AHI1: variants seen among roughly 807,000 people sequenced by gnomAD.
AHI1 encodes the protein Abelson helper integration site 1.
In AHI1, 123 loss-of-function variants were observed where a neutral mutation model predicts 149.3. That is an observed-to-expected ratio of 0.82 (90% CI 0.71 to 0.96). AHI1 has a LOEUF of 0.96. Among genes scored for constraint, AHI1 ranks in the 40% least tolerant of loss-of-function variants. AHI1 has a pLI of 0.00. For missense variants in AHI1, 1,439 were observed against 1,422.7 expected, an observed-to-expected ratio of 1.01 and a Z score of -0.18; for synonymous variants, 475 against 459.8, an observed-to-expected ratio of 1.03 and a Z score of -0.42.
chr6:135,474,556 T>C (rs1792290689), intron 5 of AHI1: 1 of 152,106 alleles, frequency 6.6e-6, no homozygotes, highest in African/African-American at 2.4e-5. Context: ...AGGAGTTCAA[T>C]CTGTAACTGA....
intron 24 of AHI1, among the ~76,000 whole-genome samples, chr6:135,353,079 G>GA (rs1024774528): frequency 6.6e-6 from 1 of 151,752 alleles, no homozygotes; most frequent in Non-Finnish European, 1.5e-5. Context: ...ATGCTAATGG[G>GA]AAAAAAATCA....
At chr6:135,327,785 A>C (rs955004334) in intron 24 of AHI1, among the ~76,000 whole-genome samples, 1 of 152,114 alleles carries the variant, frequency 6.6e-6, no homozygotes, top group Non-Finnish European at 1.5e-5. Context: ...AGCTTCCACA[A>C]AAACCTAAGA....
chr6:135,368,285 GTTTTGTT>G (rs1774485588), intron 23 of AHI1, among the ~76,000 whole-genome samples: 1 of 152,138 alleles, frequency 6.6e-6, no homozygotes, highest in South Asian at 2.1e-4. Flanking sequence ...CTTGGTTGTA[GTTTTGTT>G]TAGTGTGCTG....
intron 23 of AHI1, among the ~76,000 whole-genome samples, chr6:135,381,711 C>T (rs1776789995): frequency 6.6e-6 from 1 of 152,214 alleles, no homozygotes; most frequent in Admixed American, 6.5e-5. Flanking sequence ...CGGACTTACT[C>T]TCCCCTCTGT....
intron 20 of AHI1, among the ~76,000 whole-genome samples, chr6:135,424,314 G>A (rs926394858): frequency 2.6e-5 from 4 of 151,768 alleles, no homozygotes; most frequent in Non-Finnish European, 5.9e-5. Flanking sequence ...ACAGAACCAG[G>A]AACAAACAAA....
rs189767646 is a variant in AHI1, at chr6:135,424,047, A to T, written c.2764+3120T>A. On this transcript the variant is annotated intron_variant, in intron 20 of 28. Coordinates refer to ENST00000265602, the MANE Select transcript of AHI1 (RefSeq NM_001134831.2). ...GCTTCTTACAACGTATAGAAAATAC[A>T]AGGAAACCACATACTCCACAGAGAA... Among the ~76,000 whole-genome samples the T allele has an allele frequency of 2.6e-5, 4 of 152,214 alleles. No homozygotes were observed. The East Asian group carries it at 7.7e-4, about 29-fold the overall frequency.
At chr6:135,343,583 C>T (rs887913433) in intron 24 of AHI1, among the ~76,000 whole-genome samples, 2 of 151,176 alleles carry the variant, frequency 1.3e-5, no homozygotes, top group Non-Finnish European at 3.0e-5. Context: ...AATATAAACT[C>T]TTACATTTTT....
At position 135,290,943 on chromosome 6, in the gene AHI1, A is replaced by C. The variant is rs1052473519; in HGVS notation, c.3486-418T>G. ...ACACACACACACACACACACACACA[A>C]AAGTATAGGACATTCATTCATGACA... On this transcript the variant is annotated intron_variant, in intron 27 of 28. Transcript: ENST00000265602. Among the ~76,000 whole-genome samples, 3 of 119,632 alleles carry C rather than the reference A, an allele frequency of 2.5e-5. No individual in the cohort carries two copies. In the East Asian group the frequency reaches 6.4e-4, roughly 25 times the overall value. The allele number at this position is 119,632 out of a possible 152,430, so 78.5% of individuals were successfully genotyped here. A position where few individuals can be genotyped will look rare whatever the true frequency, so the allele number is the denominator to read the frequency against.
chr6:135,400,575 A>G (rs1779886193), intron 22 of AHI1, among the ~76,000 whole-genome samples: 1 of 152,230 alleles, frequency 6.6e-6, no homozygotes, highest in African/African-American at 2.4e-5. Context: ...TTAAAGAGAC[A>G]GAAAAAGAGA....
chr6:135,373,937 T>C (rs952091976), intron 23 of AHI1, among the ~76,000 whole-genome samples: 4 of 151,892 alleles, frequency 2.6e-5, no homozygotes, highest in Admixed American at 2.6e-4. Context: ...TATGTCAGTT[T>C]TGGCAATCCC....
chr6:135,352,865 A>C (rs1226757693), intron 24 of AHI1, among the ~76,000 whole-genome samples: 3 of 147,812 alleles, frequency 2.0e-5, no homozygotes, highest in Non-Finnish European at 4.5e-5. Context: ...ATACCTCACC[A>C]GTGCTAGGTA....
intron 23 of AHI1, among the ~76,000 whole-genome samples, chr6:135,374,680 T>C (rs1218690282): frequency 6.6e-6 from 1 of 152,084 alleles, no homozygotes. Context: ...ATTTCACTTA[T>C]AAGGGCAATA....
At chr6:135,446,582 G>A (rs1243641597) in intron 13 of AHI1, among the ~76,000 whole-genome samples, 3 of 152,162 alleles carry the variant, frequency 2.0e-5, no homozygotes, top group Non-Finnish European at 4.4e-5. Context: ...GAAAAGACGC[G>A]AGAAAGGTGA....
Position 135,453,377 on chromosome 6 carries a change from T to C in AHI1, c.1404A>G (p.Glu468=), listed in dbSNP as rs36069919. ...IKNNSEVQNQ[E]CGFRKIAWAF... ...CCCAGGCAATTTTCCGAAAGCCACA[T>C]TCTTGGTTTTGAACCTCAGAATTAT... The change falls in exon 11 of 29, where the codon GAA becomes GAG. Residue 468 remains glutamate (E), a synonymous_variant. Coordinates refer to ENST00000265602, the MANE Select transcript of AHI1 (RefSeq NM_001134831.2). 2.9e-4 allele frequency: 458 copies of C among 1,562,358 alleles called. 3 individuals are homozygous for C. The African/African-American group carries it at 5.3e-3, about 18-fold the overall frequency.
At chr6:135,491,184 C>T (rs1329598100) in intron 4 of AHI1, among the ~76,000 whole-genome samples, 2 of 152,168 alleles carry the variant, frequency 1.3e-5, no homozygotes, top group African/African-American at 4.8e-5. Context: ...CAAATATTAA[C>T]AGGTTTTTCC....
At chr6:135,422,483 G>A (rs1455911735) in intron 20 of AHI1, among the ~76,000 whole-genome samples, 1 of 151,770 alleles carries the variant, frequency 6.6e-6, no homozygotes, top group African/African-American at 2.4e-5. Flanking sequence ...TCCAGCTTGG[G>A]TGACAGAGCA....
chr6:135,430,168 A>G (rs960008078), intron 17 of AHI1, among the ~76,000 whole-genome samples, 168 bp from the exon 18 acceptor site: 3 of 151,952 alleles, frequency 2.0e-5, no homozygotes, highest in African/African-American at 7.2e-5. Flanking sequence ...CTGAAAATAA[A>G]GCTGATGAAT....
intron 26 of AHI1, among the ~76,000 whole-genome samples, chr6:135,312,067 G>A (rs79911160): frequency 0.012 from 1,861 of 152,016 alleles, 16 homozygotes; most frequent in African/African-American, 0.016. Flanking sequence ...GCTATTAAGA[G>A]GTATAATTTT....
intron 5 of AHI1, among the ~76,000 whole-genome samples, chr6:135,469,005 A>C (rs995881132): frequency 2.0e-5 from 3 of 152,214 alleles, no homozygotes; most frequent in African/African-American, 7.2e-5. Flanking sequence ...AACTCATTTT[A>C]TGAGGCCAGC....
Sources: allele counts gnomAD v4.1 joint callset (sites outside exome capture counted in the v4.1 genomes callset), GRCh38; gene constraint gnomAD v4.1.1; transcripts MANE v1.5; gene names NCBI Gene and HGNC (gene_info 2026-07-23, HGNC 2026-07-21).